SEMA6B: variants seen among roughly 807,000 people sequenced by gnomAD.
The protein encoded by SEMA6B is semaphorin 6B, also known as semaphorin-6B.
SEMA6B carries 47 observed loss-of-function variants against 78.6 expected under a neutral mutation model. The ratio of observed to expected loss-of-function variants is 0.60; its 90% CI spans 0.47 to 0.76. The LOEUF (loss-of-function observed/expected upper bound fraction) is 0.76, where lower values mean the gene tolerates loss of function less well. Ranked by LOEUF, SEMA6B falls within the 30% of genes least tolerant of loss-of-function variation. The probability of loss-of-function intolerance (pLI) is 0.00; values close to 1 mark genes in which losing one functional copy is unlikely to be tolerated. For missense variants in SEMA6B, 1,213 were observed against 1,269.9 expected, an observed-to-expected ratio of 0.96 and a Z score of 0.68; for synonymous variants, 632 against 592.2, an observed-to-expected ratio of 1.07 and a Z score of -0.98.
intron 14 of SEMA6B, 125 bp downstream of exon 14, chr19:4,547,885 CGCGGGCCTTTGCACGGG>C: frequency 9.3e-7 from 1 of 1,072,542 alleles, no homozygotes; most frequent in Non-Finnish European, 1.3e-6. Context: ...TGGTCCTGCC[CGCGGGCCTTTGCACGGG>C]CCATGCCCTC....
chr19:4,543,190 G>T lies in SEMA6B; in HGVS notation c.*411C>A, dbSNP rs1373901204. The T allele has an allele frequency of 1.7e-6, 1 of 589,370 alleles. No homozygotes were observed. The highest frequency in any genetic ancestry group is 3.0e-6 in the Non-Finnish European group (1 of 329,950). 36.5% of individuals were successfully genotyped at this position (589,370 alleles called of 1,614,324 possible). ...GTTGGGGAGGGACCTTTCCAGGGGT[G>T]GGGGAGGGCTTAGGTCTGCAGCTGT... On this transcript the variant is annotated 3_prime_UTR_variant, in exon 17 of 17. Coordinates refer to ENST00000586582, the MANE Select transcript of SEMA6B (RefSeq NM_032108.4).
rs768287835 is a variant in SEMA6B at position 4,556,036 on chromosome 19, G to C, written c.423C>G (p.Leu141=). The C allele has an allele frequency of 2.5e-6, 4 of 1,614,178 alleles. No homozygotes were observed. Among genetic ancestry groups the C allele is most frequent in the African/African-American group, 2.7e-5 (2 of 75,068 alleles). Residue 141 remains leucine, a synonymous_variant, in exon 6 of 17, where the codon CTC becomes CTG. Transcript: ENST00000586582. ...KVLLLRDEST[L]FVCGSNAFNP... ...TGAAGGCGTTGGAACCGCACACAAA[G>C]AGCGTGGACTCGTCCCGAAGGAGCA...
rs777687629 is a variant in SEMA6B at position 4,552,379 on chromosome 19, C to A, written c.989+43G>T. ...TGAATACAGGCCCTCTCTACCCATG[C>A]CCACCAAATGCTCCCAGTTTGCTCC... On this transcript the variant is annotated intron_variant, in intron 10 of 16. Coordinates refer to ENST00000586582, the MANE Select transcript of SEMA6B (RefSeq NM_032108.4). This position sits in a 1 kb window ranked among gnomAD's most constrained non-coding sequence, Gnocchi z 7.4. 4.6e-6 allele frequency: 7 copies of A among 1,529,592 alleles called. No individual in the cohort carries two copies. In the East Asian group the frequency reaches 1.2e-4, roughly 27 times the overall value. The allele number at this position is 1,529,592 out of a possible 1,614,324, so 94.8% of individuals were successfully genotyped here. A position where few individuals can be genotyped will look rare whatever the true frequency, so the allele number is the denominator to read the frequency against.
At chr19:4,559,167 C>G (rs1311564502) in intron 1 of SEMA6B, among the ~76,000 whole-genome samples, 1 of 146,308 alleles carries the variant, frequency 6.8e-6, no homozygotes, top group Admixed American at 7.0e-5. Context: ...GCACTCCAGC[C>G]TGGGCAACAG....
rs867538720 is a variant in SEMA6B at position 4,544,589 on chromosome 19, T to C, written c.1739-60A>G. 8.2e-6 allele frequency: 9 copies of C among 1,092,694 alleles called. No homozygotes were observed. The African/African-American group carries it at 1.2e-4, about 14-fold the overall frequency. The allele number at this position is 1,092,694 out of a possible 1,614,324, so 67.7% of individuals were successfully genotyped here. ...GCGGGGTGGCCCTGGGCATCCCTCC[T>C]ACCTCCTCGGGGCCCTCTGTCCTCT... On this transcript the variant is annotated intron_variant, in intron 16 of 16. Transcript: ENST00000586582. The surrounding 1 kb of genome is among the most constrained non-coding windows in gnomAD (Gnocchi z 5.1).
Position 4,548,041 on chromosome 19 carries a change from G to A in SEMA6B, c.1587C>T (p.Tyr529=), listed in dbSNP as rs1339902824. Residue 529 remains tyrosine, a synonymous_variant, in exon 14 of 17, where the codon TAC becomes TAT. Transcript: ENST00000586582. The part of the protein sequence containing the change: ...VRVPVARCQQ[Y]SGCMKNCIGS... ...TGGACACTCACTTCATACACCCCGA[G>A]TACTGCTGGCAGCGAGCCACAGGCA... 3 of 1,568,066 alleles carry A rather than the reference G, an allele frequency of 1.9e-6. No homozygotes were observed. In the African/African-American group the frequency reaches 4.0e-5, roughly 21 times the overall value.
rs140523384 is a variant in SEMA6B at position 4,554,513 on chromosome 19, A to G, written c.683-37T>C. Reference sequence around the variant, plus strand: ...GAGGGGTCAGAACTCAGCCCCTGACATGACAAAGGGGGTTTCTGGGGCTAA... The same window carrying G: ...GAGGGGTCAGAACTCAGCCCCTGACGTGACAAAGGGGGTTTCTGGGGCTAA... On this transcript the variant is annotated intron_variant, in intron 8 of 16. Coordinates refer to ENST00000586582, the MANE Select transcript of SEMA6B (RefSeq NM_032108.4). 6.7e-4 allele frequency: 1,032 copies of G among 1,530,090 alleles called. 1 individual carries two copies. Among genetic ancestry groups the G allele is most frequent in the Non-Finnish European group, 8.3e-4 (916 of 1,104,684 alleles). 94.8% of individuals were successfully genotyped at this position (1,530,090 alleles called of 1,614,324 possible). A position where few individuals can be genotyped will look rare whatever the true frequency, so the allele number is the denominator to read the frequency against.
At chr19:4,549,938 G>GTC (rs1336990560) in intron 12 of SEMA6B, among the ~76,000 whole-genome samples, 185 bp downstream of exon 12, 1 of 152,110 alleles carries the variant, frequency 6.6e-6, no homozygotes, top group African/African-American at 2.4e-5. Flanking sequence ...TGATCCCTCT[G>GTC]TCTCTCTCTT....
intron 14 of SEMA6B, among the ~76,000 whole-genome samples, chr19:4,547,636 A>AC (rs1201387644): frequency 2.0e-5 from 3 of 152,048 alleles, no homozygotes; most frequent in African/African-American, 7.2e-5. Context: ...GGCAGCAGCC[A>AC]CCAGAGGGCA....
chr19:4,557,126 C>CCCTA, intron 4 of SEMA6B, 37 bp downstream of exon 4: 1 of 1,596,604 alleles, frequency 6.3e-7, no homozygotes, highest in Non-Finnish European at 8.6e-7. Flanking sequence ...GTCCCCCTGG[C>CCCTA]CCTACCCCTC....
In SEMA6B at chr19:4,555,239, C is replaced by A; in HGVS notation, c.563-144G>T. On this transcript the variant is annotated intron_variant, in intron 7 of 16. Transcript: ENST00000586582. This position sits in a 1 kb window ranked among gnomAD's most constrained non-coding sequence, Gnocchi z 6.1. ...AGGCTGAGCCCTGATCCCATCCAAGCCCCACCTCCATCCAAGCCCTGACCT... is the reference window on the plus strand; with the variant it reads ...AGGCTGAGCCCTGATCCCATCCAAGACCCACCTCCATCCAAGCCCTGACCT... The A allele has an allele frequency of 2.1e-6, 2 of 938,264 alleles. No homozygotes were observed. Among genetic ancestry groups the A allele is most frequent in the South Asian group, 3.3e-5 (2 of 59,868 alleles). 58.1% of individuals were successfully genotyped at this position (938,264 alleles called of 1,614,324 possible). A position where few individuals can be genotyped will look rare whatever the true frequency, so the allele number is the denominator to read the frequency against.
At chr19:4,554,905 G>C (rs1977427302) in intron 8 of SEMA6B, 71 bp downstream of exon 8, 2 of 1,552,572 alleles carry the variant, frequency 1.3e-6, no homozygotes, top group African/African-American at 1.4e-5. Context: ...TCTTATTCTG[G>C]TGGGGAGATT....
At position 4,555,945 on chromosome 19, in the gene SEMA6B, G is replaced by T; in HGVS notation, c.471+43C>A. ...GCCAGCGGAGGTCGGGCGAGCAGAG[G>T]CCTGGAGGTTGGACCTGGGGCGCAG... On this transcript the variant is annotated intron_variant, in intron 6 of 16. Transcript: ENST00000586582. This position sits in a 1 kb window ranked among gnomAD's most constrained non-coding sequence, Gnocchi z 6.1. The T allele has an allele frequency of 1.3e-6, 2 of 1,486,336 alleles. No individual in the cohort carries two copies. Among genetic ancestry groups the T allele is most frequent in the Non-Finnish European group, 1.9e-6 (2 of 1,063,770 alleles). 92.1% of individuals were successfully genotyped at this position (1,486,336 alleles called of 1,614,324 possible).
At position 4,544,634 on chromosome 19, in the gene SEMA6B, T is replaced by TA. The variant is rs1977119626; in HGVS notation, c.1739-106_1739-105insT. 1.7e-6 allele frequency: 1 copy of TA among 592,234 alleles called. No individual in the cohort carries two copies. Among genetic ancestry groups the TA allele is most frequent in the African/African-American group, 1.9e-5 (1 of 51,778 alleles). The allele number at this position is 592,234 out of a possible 1,614,324, so 36.7% of individuals were successfully genotyped here. A position where few individuals can be genotyped will look rare whatever the true frequency, so the allele number is the denominator to read the frequency against. The stretch of plus-strand genomic sequence containing the variant: ...TCCTCTTTTTTATTATTTTTATTTT[T>TA]TTTTATTTATTTATTTTTTGAGAAG... On this transcript the variant is annotated intron_variant, in intron 16 of 16. Coordinates refer to ENST00000586582, the MANE Select transcript of SEMA6B (RefSeq NM_032108.4). This position sits in a 1 kb window ranked among gnomAD's most constrained non-coding sequence, Gnocchi z 5.1.
chr19:4,554,412 C>T lies in SEMA6B; in HGVS notation c.747G>A (p.Ala249=), dbSNP rs151300929. 8.1e-5 allele frequency: 130 copies of T among 1,613,848 alleles called. No individual in the cohort carries two copies. The highest frequency in any genetic ancestry group is 1.1e-4 in the Non-Finnish European group (124 of 1,179,940). Residue 249 remains alanine (A), a synonymous_variant, in exon 9 of 17, where the codon GCG becomes GCA. Transcript: ENST00000586582. The part of the protein sequence containing the change: ...SHVYFFFREI[A]MEFNYLEKVV... ...CCTTCTCCAGGTAGTTAAACTCCAT[C>T]GCAATCTCCCGGAAGAAGAAGTAGA...
At position 4,555,476 on chromosome 19, in the gene SEMA6B, G is replaced by C. The variant is rs1442487845; in HGVS notation, c.560C>G (p.Ser187Cys). Residue 187 changes from serine (S) to cysteine (C), a missense_variant and splice_region_variant, in exon 7 of 17, where the codon TCT becomes TGT. Ser to Cys is a moderately radical substitution (Grantham distance 112). Coordinates refer to ENST00000586582, the MANE Select transcript of SEMA6B (RefSeq NM_032108.4). The surrounding 1 kb of genome is among the most constrained non-coding windows in gnomAD (Gnocchi z 6.1). Reference protein sequence around the residue: ...DPKHANVALFSDGMLFTATVT... With the variant: ...DPKHANVALFCDGMLFTATVT... ...ATGGAGGTTGGGGGGGTACTTACCAGAGAAGAGGGCAACATTGGCGTGCTT... is the reference window on the plus strand; with the variant it reads ...ATGGAGGTTGGGGGGGTACTTACCACAGAAGAGGGCAACATTGGCGTGCTT... 1.9e-6 allele frequency: 3 copies of C among 1,611,684 alleles called. No homozygotes were observed. Among genetic ancestry groups the C allele is most frequent in the Non-Finnish European group, 2.5e-6 (3 of 1,178,996 alleles).
At chr19:4,548,525 G>A (rs1454323819) in intron 12 of SEMA6B, 80 bp from the exon 13 acceptor site, 16 of 1,320,394 alleles carry the variant, frequency 1.2e-5, no homozygotes, top group Middle Eastern at 2.0e-4. Flanking sequence ...ATAGTTACAC[G>A]GGTGCATACA....
At position 4,554,871 on chromosome 19, in the gene SEMA6B, CTCT is replaced by C; in HGVS notation, c.682+102_682+104del. 3.0e-6 allele frequency: 4 copies of C among 1,339,204 alleles called. No homozygotes were observed. In the East Asian group the frequency reaches 9.3e-5, roughly 31 times the overall value. 83.0% of individuals were successfully genotyped at this position (1,339,204 alleles called of 1,614,324 possible). ...CAGATTCCAAAGATGTGGTGGAAAT[CTCT>C]CCACCAAGCTCCTCTGGGACTCTTA... On this transcript the variant is annotated intron_variant, in intron 8 of 16. Transcript: ENST00000586582.
Position 4,558,862 on chromosome 19 carries a change from CT to C in SEMA6B, c.-32-374del, listed in dbSNP as rs1486927264. ...AACACAAAAATATTAAACTCAAAGG[CT>C]AAAAAAAAAAAGAGTCAAAGGCTCT... On this transcript the variant is annotated intron_variant, in intron 1 of 16. Coordinates refer to ENST00000586582, the MANE Select transcript of SEMA6B (RefSeq NM_032108.4). This position sits in a 1 kb window ranked among gnomAD's most constrained non-coding sequence, Gnocchi z 5.1. Among the ~76,000 whole-genome samples, 4 of 150,690 alleles carry C rather than the reference CT, an allele frequency of 2.7e-5. No individual in the cohort carries two copies. The highest frequency in any genetic ancestry group is 5.9e-5 in the Non-Finnish European group (4 of 67,736).
Sources: allele counts gnomAD v4.1 joint callset (sites outside exome capture counted in the v4.1 genomes callset), GRCh38; gene constraint gnomAD v4.1.1; non-coding constraint Gnocchi (gnomAD v3.1); transcripts MANE v1.5; gene names NCBI Gene and HGNC (gene_info 2026-07-23, HGNC 2026-07-21).